ACKR3: variants seen among roughly 807,000 people sequenced by gnomAD.
ACKR3 encodes C-X-C chemokine receptor type 7.
Under a neutral mutation model 22.4 loss-of-function variants are expected in ACKR3, and 6 were observed. The ratio of observed to expected loss-of-function variants is 0.27; its 90% CI spans 0.15 to 0.53. ACKR3 has a LOEUF of 0.53. ACKR3 is among the 20% of genes least tolerant of loss of function. The pLI, the probability that ACKR3 is intolerant of heterozygous loss-of-function variation, is 0.96. For synonymous variants in ACKR3, 209 were observed against 205.2 expected (o/e 1.02, Z -0.16); for missense variants, 396 against 475.2 (o/e 0.83, Z 1.55).
intron 1 of ACKR3, among the ~76,000 whole-genome samples, chr2:236,571,618 G>GAAAAA (rs397988342): frequency 1.3e-4 from 10 of 76,508 alleles, no homozygotes; most frequent in African/African-American, 3.2e-4. Context: ...CTTTCTGAAT[G>GAAAAA]AAAAAAAAAA....
upstream of ACKR3, among the ~76,000 whole-genome samples, chr2:236,566,152 G>A (rs543639328): frequency 4.1e-4 from 62 of 152,346 alleles, no homozygotes; most frequent in African/African-American, 1.4e-3. Context: ...GCCTGGTGGT[G>A]CCACATCTAC....
chr2:236,562,938 G>A (rs1234492033), upstream of ACKR3, among the ~76,000 whole-genome samples: 1 of 152,176 alleles, frequency 6.6e-6, no homozygotes, highest in African/African-American at 2.4e-5. Context: ...GAGAATTCTG[G>A]TGGTTCCACA....
At chr2:236,543,089 CAG>C in the ACKR3 span, among the ~76,000 whole-genome samples, 1 of 152,186 alleles carries the variant, frequency 6.6e-6, no homozygotes, top group Non-Finnish European at 1.5e-5. Context: ...AGGAAGAAAT[CAG>C]GGAATCTTCC....
At position 236,573,898 on chromosome 2, in the gene ACKR3, C is replaced by T. The variant is rs146722631; in HGVS notation, c.-27+3974C>T. On this transcript the variant is annotated intron_variant, in intron 1 of 1. Transcript: ENST00000272928. ...CCAACTCTTACCTCCATTTGCTCTTCGTGGAGAGTCCTTGCCTCAGCCAGG... is the reference window on the plus strand; with the variant it reads ...CCAACTCTTACCTCCATTTGCTCTTTGTGGAGAGTCCTTGCCTCAGCCAGG... Among the ~76,000 whole-genome samples, 113 of 152,358 alleles carry T rather than the reference C, an allele frequency of 7.4e-4. 1 individual carries two copies. The East Asian group carries it at 8.5e-3, about 11-fold the overall frequency.
chr2:236,565,481 ACAGATCTTGT>A (rs1464364143), upstream of ACKR3, among the ~76,000 whole-genome samples: 1 of 152,138 alleles, frequency 6.6e-6, no homozygotes, highest in Admixed American at 6.5e-5. Flanking sequence ...AGAGTTCTGT[ACAGATCTTGT>A]TAAAAATAAC....
the ACKR3 span, among the ~76,000 whole-genome samples, chr2:236,552,024 T>C: frequency 6.6e-5 from 10 of 152,194 alleles, no homozygotes; most frequent in Admixed American, 6.5e-4. Context: ...TCTTATTTAA[T>C]CAGCATTTGG....
At position 236,577,388 on chromosome 2, in the gene ACKR3, G is replaced by C. The variant is rs748373206; in HGVS notation, c.-26-3052G>C. 6.6e-6 allele frequency among the ~76,000 whole-genome samples: 1 copy of C among 152,194 alleles called. No individual in the cohort carries two copies. The highest frequency in any genetic ancestry group is 6.5e-5 in the Admixed American group (1 of 15,286). ...AAATCAAATTTTCGTCACCCAAAGA[G>C]GCAAAGGTAGAAAGCCAAGGGCTGG... On this transcript the variant is annotated intron_variant, in intron 1 of 1. Coordinates refer to ENST00000272928, the MANE Select transcript of ACKR3 (RefSeq NM_020311.3). This position sits in a 1 kb window ranked among gnomAD's most constrained non-coding sequence, Gnocchi z 5.6.
the ACKR3 span, among the ~76,000 whole-genome samples, chr2:236,547,447 G>T: frequency 6.6e-6 from 1 of 152,102 alleles, no homozygotes; most frequent in Non-Finnish European, 1.5e-5. Flanking sequence ...TATAAAGTTG[G>T]TTTGGATTTA....
the ACKR3 span, among the ~76,000 whole-genome samples, chr2:236,556,984 G>T: frequency 6.6e-6 from 1 of 152,130 alleles, no homozygotes; most frequent in Non-Finnish European, 1.5e-5. Context: ...CACTGCACCC[G>T]GCCATTTGTC....
Position 236,577,118 on chromosome 2 carries a change from G to C in ACKR3, c.-26-3322G>C, listed in dbSNP as rs1336206802. On this transcript the variant is annotated intron_variant, in intron 1 of 1. Coordinates refer to ENST00000272928, the MANE Select transcript of ACKR3 (RefSeq NM_020311.3). This position sits in a 1 kb window ranked among gnomAD's most constrained non-coding sequence, Gnocchi z 5.6. ...GGGCTGCTGTTCCTTGGGCTGACTG[G>C]TGGTTAATGATTGAGGATCGGTGAT... Among the ~76,000 whole-genome samples the C allele has an allele frequency of 6.6e-6, 1 of 152,154 alleles. No homozygotes were observed. Among genetic ancestry groups the C allele is most frequent in the Non-Finnish European group, 1.5e-5 (1 of 68,030 alleles).
At chr2:236,551,850 G>A in the ACKR3 span, among the ~76,000 whole-genome samples, 2 of 152,080 alleles carry the variant, frequency 1.3e-5, no homozygotes, top group Admixed American at 6.5e-5. Flanking sequence ...CTTACAAAAG[G>A]CTAGGAGGGG....
At chr2:236,551,625 C>T in the ACKR3 span, among the ~76,000 whole-genome samples, 2 of 152,226 alleles carry the variant, frequency 1.3e-5, no homozygotes, top group East Asian at 1.9e-4. Context: ...ACTCCTTCCC[C>T]TTTCCCCCTC....
chr2:236,579,532 G>A (rs74392437), intron 1 of ACKR3, among the ~76,000 whole-genome samples: 1 of 152,220 alleles, frequency 6.6e-6, no homozygotes, highest in East Asian at 1.9e-4. Context: ...AATTCTGGCT[G>A]GGAGTGAAAT....
chr2:236,537,860 C>A, the ACKR3 span, among the ~76,000 whole-genome samples: 4 of 152,308 alleles, frequency 2.6e-5, no homozygotes, highest in Admixed American at 2.6e-4. Context: ...AGTTTTCTTT[C>A]TTTCACTAAT....
chr2:236,557,601 C>G, the ACKR3 span, among the ~76,000 whole-genome samples: 1 of 152,004 alleles, frequency 6.6e-6, no homozygotes. Context: ...TTATAACTCA[C>G]GAAATAGAAC....
At chr2:236,558,792 G>A in the ACKR3 span, among the ~76,000 whole-genome samples, 4 of 152,022 alleles carry the variant, frequency 2.6e-5, no homozygotes, top group South Asian at 2.1e-4. Context: ...TTTGTCTCAC[G>A]TTGTTTTAAG....
At chr2:236,539,896 A>T in the ACKR3 span, among the ~76,000 whole-genome samples, 2 of 152,062 alleles carry the variant, frequency 1.3e-5, no homozygotes, top group Non-Finnish European at 2.9e-5. Context: ...GTGCAGGGGA[A>T]CTCCCATTTA....
chr2:236,553,435 G>A, the ACKR3 span, among the ~76,000 whole-genome samples: 13 of 152,338 alleles, frequency 8.5e-5, no homozygotes, highest in African/African-American at 2.9e-4. Flanking sequence ...AAAAAAACAG[G>A]ACATGGAAAA....
the ACKR3 span, among the ~76,000 whole-genome samples, chr2:236,537,230 A>G: frequency 6.6e-6 from 1 of 152,222 alleles, no homozygotes; most frequent in Non-Finnish European, 1.5e-5. Context: ...CAGCAATGGG[A>G]TGGCTGCCAC....
Sources: gnomAD v4.1 joint callset for allele counts (sites outside exome capture counted in the v4.1 genomes callset) on GRCh38, gnomAD v4.1.1 for gene constraint, Gnocchi (gnomAD v3.1) non-coding constraint, MANE v1.5 for transcripts, NCBI Gene and HGNC (gene_info 2026-07-23, HGNC 2026-07-21) for gene names.